The following SNTG2 variants were observed in gnomAD, a reference collection of about 807,000 sequenced individuals.
SNTG2 encodes the protein syntrophin gamma 2.
Under a neutral mutation model 70.9 loss-of-function variants are expected in SNTG2, and 74 were observed. The observed-to-expected ratio is 1.04, with a 90% confidence interval of 0.86 to 1.27. The LOEUF (loss-of-function observed/expected upper bound fraction) is 1.27. Ranked by LOEUF, SNTG2 falls within the 50% of genes most tolerant of loss-of-function variation. SNTG2 has a pLI of 0.00. For synonymous variants in SNTG2, 278 were observed against 273.8 expected (o/e 1.02, Z -0.15); for missense variants, 717 against 690.7 (o/e 1.04, Z -0.43).
chr2:1,169,591 G>A (rs960572464), intron 7 of SNTG2, among the ~76,000 whole-genome samples: 11 of 152,144 alleles, frequency 7.2e-5, no homozygotes, highest in African/African-American at 1.4e-4. Flanking sequence ...CTGAGCCTGT[G>A]GGGCCGGAGG....
chr2:1,158,029 C>T (rs950637069), intron 6 of SNTG2, among the ~76,000 whole-genome samples: 1 of 152,164 alleles, frequency 6.6e-6, no homozygotes, highest in Admixed American at 6.5e-5. Context: ...TGTAGACATG[C>T]CTAGCAGCAC....
intron 1 of SNTG2, among the ~76,000 whole-genome samples, chr2:1,016,138 G>A (rs1004674070): frequency 1.3e-5 from 2 of 151,880 alleles, no homozygotes; most frequent in African/African-American, 2.4e-5. Flanking sequence ...CAGTTATAGA[G>A]CACAGTATAT....
intron 14 of SNTG2, among the ~76,000 whole-genome samples, chr2:1,306,402 A>G (rs1680669323): frequency 6.6e-6 from 1 of 152,150 alleles, no homozygotes; most frequent in Admixed American, 6.5e-5. Flanking sequence ...TGTGTTTGTG[A>G]CAATCTCTAA....
intron 1 of SNTG2, among the ~76,000 whole-genome samples, chr2:962,892 A>G (rs1011255915): frequency 6.6e-6 from 1 of 152,196 alleles, no homozygotes; most frequent in Non-Finnish European, 1.5e-5. Flanking sequence ...TTAGAGAATG[A>G]GCGTGCTAAG....
chr2:1,302,409 T>C (rs1680492216), intron 14 of SNTG2, among the ~76,000 whole-genome samples: 1 of 151,944 alleles, frequency 6.6e-6, no homozygotes, highest in Non-Finnish European at 1.5e-5. Context: ...TTTCTATACT[T>C]CAACTAAACT....
chr2:1,138,838 G>A (rs1158396086), intron 6 of SNTG2, among the ~76,000 whole-genome samples: 1 of 152,158 alleles, frequency 6.6e-6, no homozygotes, highest in East Asian at 1.9e-4. Flanking sequence ...CCAAGGAAGG[G>A]CAAACAGCCC....
chr2:1,002,944 C>T (rs1659453036), intron 1 of SNTG2, among the ~76,000 whole-genome samples: 1 of 151,640 alleles, frequency 6.6e-6, no homozygotes, highest in Non-Finnish European at 1.5e-5. Context: ...TTGTCTTTTT[C>T]AGCAACATGG....
At chr2:1,104,113 A>G (rs555545015) in intron 4 of SNTG2, among the ~76,000 whole-genome samples, 16 of 152,248 alleles carry the variant, frequency 1.1e-4, no homozygotes, top group Non-Finnish European at 2.1e-4. Context: ...GAGTTTGCAC[A>G]GGGACAGACA....
intron 8 of SNTG2, among the ~76,000 whole-genome samples, chr2:1,207,507 A>G (rs1292403093): frequency 6.6e-6 from 1 of 152,072 alleles, no homozygotes; most frequent in Non-Finnish European, 1.5e-5. Context: ...CCATTCCCCC[A>G]TCCCACCTGC....
At chr2:1,114,710 C>T (rs1355649105) in intron 4 of SNTG2, among the ~76,000 whole-genome samples, 5 of 146,788 alleles carry the variant, frequency 3.4e-5, no homozygotes, top group Admixed American at 1.4e-4. Context: ...CATGTTTAAC[C>T]CCTATAGTCC....
intron 12 of SNTG2, among the ~76,000 whole-genome samples, chr2:1,251,454 A>C (rs1001330550): frequency 1.8e-4 from 25 of 141,018 alleles, no homozygotes; most frequent in Non-Finnish European, 2.5e-4. Flanking sequence ...ACCACACACT[A>C]CACACACCAC....
chr2:1,092,247 TAG>T (rs200804037), intron 2 of SNTG2, among the ~76,000 whole-genome samples: 2 of 134,032 alleles, frequency 1.5e-5, no homozygotes, highest in African/African-American at 5.5e-5. Context: ...GCCCTTCAAT[TAG>T]AGAGAGAAAA....
chr2:1,092,211 T>C (rs541151044), intron 2 of SNTG2, among the ~76,000 whole-genome samples: 1 of 152,182 alleles, frequency 6.6e-6, no homozygotes, highest in Non-Finnish European at 1.5e-5. Context: ...TCTATAAATT[T>C]CTAATTTTTA....
At chr2:1,182,843 C>T (rs1672006939) in intron 8 of SNTG2, among the ~76,000 whole-genome samples, 1 of 152,160 alleles carries the variant, frequency 6.6e-6, no homozygotes, top group South Asian at 2.1e-4. Flanking sequence ...GCCTCAACTT[C>T]CTGGACTCAA....
intron 16 of SNTG2, among the ~76,000 whole-genome samples, chr2:1,354,179 T>C (rs1232664279): frequency 1.3e-5 from 2 of 152,218 alleles, no homozygotes; most frequent in African/African-American, 4.8e-5. Context: ...ACAGATATAT[T>C]GCAGAGGAAA....
Position 1,237,896 on chromosome 2 carries a change from C to T in SNTG2, c.728C>T (p.Ala243Val), listed in dbSNP as rs764309007. Reference protein sequence around the residue: ...KAGTEKLRWNAFEVLALDGVS... With the variant: ...KAGTEKLRWNVFEVLALDGVS... ...GCTCTCTCCCTCCCCAGGTGGAATG[C>T]GTTCGAGGTGCTCGCCCTGGACGGA... Residue 243 changes from alanine (A) to valine (V), a missense_variant, in exon 10 of 17, where the codon GCG (alanine) becomes GTG (valine). By Grantham distance (64) the Ala-to-Val change is moderately conservative. Coordinates refer to ENST00000308624, the MANE Select transcript of SNTG2 (RefSeq NM_018968.4). 12 of 1,601,410 alleles carry T rather than the reference C, an allele frequency of 7.5e-6. No individual in the cohort carries two copies. The highest frequency in any genetic ancestry group is 5.4e-5 in the African/African-American group (4 of 74,682).
intron 1 of SNTG2, among the ~76,000 whole-genome samples, chr2:1,030,644 C>T (rs1482615887): frequency 4.6e-5 from 7 of 152,206 alleles, no homozygotes; most frequent in Admixed American, 3.9e-4. Flanking sequence ...GTGAAGGGTA[C>T]TGAGCACTGC....
chr2:1,083,318 G>T (rs1664463511), intron 1 of SNTG2, among the ~76,000 whole-genome samples, 200 bp from the exon 2 acceptor site: 1 of 150,466 alleles, frequency 6.6e-6, no homozygotes, highest in African/African-American at 2.4e-5. Flanking sequence ...TACAAAAACG[G>T]CTCAGGAACA....
rs536323962 is a variant in SNTG2, at chr2:1,174,280, A to T, written c.591+1097A>T. Among the ~76,000 whole-genome samples the T allele has an allele frequency of 3.4e-4, 41 of 120,760 alleles. No individual in the cohort carries two copies. The East Asian group carries it at 6.3e-3, about 18-fold the overall frequency. The allele number at this position is 120,760 out of a possible 152,430, so 79.2% of individuals were successfully genotyped here. On this transcript the variant is annotated intron_variant, in intron 8 of 16. Transcript: ENST00000308624. ...TTTGTCATTTTCTTGATTGAAAAAAAGTTTTATCCATATATATATATATAT... is the reference window on the plus strand; with the variant it reads ...TTTGTCATTTTCTTGATTGAAAAAATGTTTTATCCATATATATATATATAT...
Sources: gnomAD v4.1 joint callset for allele counts (sites outside exome capture counted in the v4.1 genomes callset) on GRCh38, gnomAD v4.1.1 for gene constraint, MANE v1.5 for transcripts, NCBI Gene and HGNC (gene_info 2026-07-23, HGNC 2026-07-21) for gene names.